Variants in SNX7 observed in about 807,000 individuals in gnomAD.
SNX7 encodes sorting nexin 7, also known as sorting nexin-7.
SNX7 carries 35 observed loss-of-function variants against 48.4 expected under a neutral mutation model. The ratio of observed to expected loss-of-function variants is 0.72; its 90% confidence interval spans 0.55 to 0.96. The LOEUF is 0.96. SNX7 is among the 40% of genes least tolerant of loss of function. The probability of loss-of-function intolerance (pLI) is 0.00; values close to 1 mark genes in which losing one functional copy is unlikely to be tolerated. For missense variants in SNX7, 553 were observed against 548.9 expected, an observed-to-expected ratio of 1.01 and a Z score of -0.07; for synonymous variants, 190 against 190.2, an observed-to-expected ratio of 1.00 and a Z score of 0.01.
chr1:98,701,698 C>A, intron 6 of SNX7, 119 bp from the exon 7 acceptor site: 1 of 601,602 alleles, frequency 1.7e-6, no homozygotes, highest in Non-Finnish European at 2.7e-6. Flanking sequence ...ATTATATCCC[C>A]AAATGACTGA....
chr1:98,689,846 AT>A (rs1424928696), intron 2 of SNX7, among the ~76,000 whole-genome samples: 1 of 152,076 alleles, frequency 6.6e-6, no homozygotes, highest in Non-Finnish European at 1.5e-5. Flanking sequence ...TGTTTTTACC[AT>A]TTCCATATCA....
At chr1:98,751,019 G>A (rs1024037591) in intron 8 of SNX7, among the ~76,000 whole-genome samples, 1 of 152,002 alleles carries the variant, frequency 6.6e-6, no homozygotes, top group South Asian at 2.1e-4. Context: ...GAAGCTTAAT[G>A]GACACACATA....
rs76529314 is a variant in SNX7 at position 98,705,463 on chromosome 1, G to T, written c.1125+3560G>T. ...TACCTTTCTAATAGGCTTGTTTAAG[G>T]ATTAAATTGTGTAATGCAAATAAAT... On this transcript the variant is annotated intron_variant, in intron 7 of 8. Coordinates refer to ENST00000306121, the MANE Select transcript of SNX7 (RefSeq NM_015976.5). 2.3e-4 allele frequency among the ~76,000 whole-genome samples: 35 copies of T among 152,258 alleles called. 1 individual carries two copies. In the East Asian group the frequency reaches 6.4e-3, roughly 28 times the overall value.
rs192484478 is a variant in SNX7 at position 98,693,774 on chromosome 1, C to T, written c.640-1744C>T. Among the ~76,000 whole-genome samples the T allele has an allele frequency of 7.9e-5, 12 of 152,200 alleles. No homozygotes were observed. The East Asian group carries it at 2.3e-3, about 29-fold the overall frequency. On this transcript the variant is annotated intron_variant, in intron 4 of 8. Coordinates refer to ENST00000306121, the MANE Select transcript of SNX7 (RefSeq NM_015976.5). ...GAATGAAAACCTGAAGGAAGATAGACAATGTGTTATTTAATATTTGGGTAA... is the reference window on the plus strand; with the variant it reads ...GAATGAAAACCTGAAGGAAGATAGATAATGTGTTATTTAATATTTGGGTAA...
intron 8 of SNX7, among the ~76,000 whole-genome samples, chr1:98,748,636 A>C (rs916739179): frequency 4.9e-5 from 5 of 102,436 alleles, no homozygotes; most frequent in Non-Finnish European, 8.3e-5. Flanking sequence ...GAAATGATTT[A>C]AACACACACA....
chr1:98,683,936 A>G (rs962174810), intron 1 of SNX7, among the ~76,000 whole-genome samples: 1 of 152,102 alleles, frequency 6.6e-6, no homozygotes, highest in African/African-American at 2.4e-5. Flanking sequence ...CCAGTGTTCT[A>G]CCAAATTGGG....
intron 8 of SNX7, among the ~76,000 whole-genome samples, chr1:98,744,552 T>C (rs1654227788): frequency 6.6e-6 from 1 of 151,960 alleles, no homozygotes; most frequent in African/African-American, 2.4e-5. Flanking sequence ...AAATTAGGAA[T>C]TAATATGTTA....
intron 2 of SNX7, among the ~76,000 whole-genome samples, chr1:98,687,716 A>G (rs192521150): frequency 3.3e-5 from 5 of 152,138 alleles, no homozygotes; most frequent in Non-Finnish European, 7.3e-5. Context: ...GGTAATAAAG[A>G]CATACCCAGT....
intron 8 of SNX7, among the ~76,000 whole-genome samples, chr1:98,748,926 A>G (rs1570608954): frequency 1.3e-5 from 2 of 152,216 alleles, no homozygotes; most frequent in African/African-American, 4.8e-5. Context: ...GTGCTTAAAC[A>G]TCATAGTTGC....
Position 98,694,596 on chromosome 1 carries a change from A to ATTTTTTTTTTTTTT in SNX7, c.640-906_640-893dup, listed in dbSNP as rs764330196. Among the ~76,000 whole-genome samples, 2 of 53,200 alleles carry ATTTTTTTTTTTTTT rather than the reference A, an allele frequency of 3.8e-5. 1 individual carries two copies. Among genetic ancestry groups the ATTTTTTTTTTTTTT allele is most frequent in the Non-Finnish European group, 6.1e-5 (2 of 32,860 alleles). The allele number at this position is 53,200 out of a possible 152,430, so 34.9% of individuals were successfully genotyped here. A position where few individuals can be genotyped will look rare whatever the true frequency, so the allele number is the denominator to read the frequency against. On this transcript the variant is annotated intron_variant, in intron 4 of 8. Coordinates refer to ENST00000306121, the MANE Select transcript of SNX7 (RefSeq NM_015976.5). ...TGCTCTACCACTTAATTGCTCTGGGATTTTTTTTTTTTTTTTTTTTTTTTT... is the reference window on the plus strand; with the variant it reads ...TGCTCTACCACTTAATTGCTCTGGGATTTTTTTTTTTTTTTTTTTTTTTTTTTTTTTTTTTTTTT...
At chr1:98,706,780 G>A (rs1031229432) in intron 7 of SNX7, among the ~76,000 whole-genome samples, 4 of 152,112 alleles carry the variant, frequency 2.6e-5, no homozygotes, top group Non-Finnish European at 5.9e-5. Flanking sequence ...GCTGTGGATC[G>A]TGAGCCAATA....
intron 7 of SNX7, among the ~76,000 whole-genome samples, chr1:98,704,850 A>T (rs1651935643): frequency 6.6e-6 from 1 of 152,164 alleles, no homozygotes; most frequent in Non-Finnish European, 1.5e-5. Flanking sequence ...TGATAATGAA[A>T]AGGTCAGTGA....
At chr1:98,679,081 T>G (rs182861426) in intron 1 of SNX7, among the ~76,000 whole-genome samples, 1 of 152,282 alleles carries the variant, frequency 6.6e-6, no homozygotes, top group Admixed American at 6.5e-5. Context: ...TAACCAAGAC[T>G]GGGCAATTTA....
chr1:98,724,518 A>G (rs1205388507), intron 7 of SNX7, among the ~76,000 whole-genome samples: 1 of 152,094 alleles, frequency 6.6e-6, no homozygotes, highest in African/African-American at 2.4e-5. Context: ...ATGTTTAGAC[A>G]TTAGGGGCTT....
chr1:98,664,851 C>T (rs941936454), intron 1 of SNX7, among the ~76,000 whole-genome samples: 1 of 151,728 alleles, frequency 6.6e-6, no homozygotes, highest in African/African-American at 2.4e-5. Flanking sequence ...GAGAACAGAA[C>T]CAATCATACA....
chr1:98,671,937 A>G (rs888933659), intron 1 of SNX7, among the ~76,000 whole-genome samples: 2 of 152,162 alleles, frequency 1.3e-5, no homozygotes, highest in Admixed American at 1.3e-4. Context: ...AAATATTAAG[A>G]AAAAAAGTCT....
rs754138209 is a variant in SNX7 at position 98,698,757 on chromosome 1, C to T, written c.890C>T (p.Ala297Val). ...GGCCCAATTCATATTCTGTGGTCAG[C>T]GTCAGAAGAGGATCTGGTTGATACT... is the stretch of plus-strand genomic sequence containing the variant. ...EYGPIHILWS[A>V]SEEDLVDTLK... Residue 297 changes from alanine to valine, a missense_variant, in exon 6 of 9, where the codon GCG becomes GTG. By Grantham distance (64) the Ala-to-Val change is moderately conservative. Transcript: ENST00000306121. 11 of 1,612,854 alleles carry T rather than the reference C, an allele frequency of 6.8e-6. No individual in the cohort carries two copies. Among genetic ancestry groups the T allele is most frequent in the Admixed American group, 1.7e-5 (1 of 59,852 alleles).
At chr1:98,755,125 G>T (rs1252306084) in intron 8 of SNX7, among the ~76,000 whole-genome samples, 1 of 151,922 alleles carries the variant, frequency 6.6e-6, no homozygotes, top group Non-Finnish European at 1.5e-5. Flanking sequence ...TATCTTTCTG[G>T]TACTGATTTA....
At chr1:98,677,990 C>CA (rs1553197439) in intron 1 of SNX7, among the ~76,000 whole-genome samples, 1 of 141,780 alleles carries the variant, frequency 7.1e-6, no homozygotes, top group East Asian at 2.0e-4. Context: ...TGTGTGTGTG[C>CA]GTGTGTGTGT....
Sources: allele counts gnomAD v4.1 joint callset (sites outside exome capture counted in the v4.1 genomes callset), GRCh38; gene constraint gnomAD v4.1.1; transcripts MANE v1.5; gene names NCBI Gene and HGNC (gene_info 2026-07-23, HGNC 2026-07-21).